SCN4B: variants seen among roughly 807,000 people sequenced by gnomAD.
SCN4B encodes sodium voltage-gated channel beta subunit 4, also known as sodium channel regulatory subunit beta-4.
A neutral mutation model predicts 19.6 loss-of-function variants in SCN4B; 20 were observed. The observed-to-expected ratio is 1.02, with a 90% CI of 0.72 to 1.48. The LOEUF (loss-of-function observed/expected upper bound fraction) is 1.48. Ranked by LOEUF, SCN4B falls within the 40% of genes most tolerant of loss-of-function variation. The pLI, the probability that SCN4B is intolerant of heterozygous loss-of-function variation, is 0.00. For synonymous variants in SCN4B, 127 were observed against 122.8 expected (o/e 1.03, Z -0.22); for missense variants, 271 against 287.5 (o/e 0.94, Z 0.42).
In SCN4B at chr11:118,144,001, C is replaced by T. The variant is rs772214416; in HGVS notation, c.295G>A (p.Asp99Asn). 2 of 1,614,050 alleles carry T rather than the reference C, an allele frequency of 1.2e-6. No individual in the cohort carries two copies. Among genetic ancestry groups the T allele is most frequent in the African/African-American group, 2.7e-5 (2 of 74,926 alleles). The change falls in exon 3 of 5, where the codon GAC (aspartate) becomes AAC (asparagine). Residue 99 changes from aspartate (D) to asparagine (N), a missense_variant. Transcript: ENST00000324727. ...SDPKVTLKDD[D>N]RITLVGSTKE... Reference sequence around the variant, plus strand: ...GTAGAGCCTACCAGAGTGATGCGGTCATCGTCTTTCAACGTCACCTTGGGG... The same window carrying T: ...GTAGAGCCTACCAGAGTGATGCGGTTATCGTCTTTCAACGTCACCTTGGGG...
chr11:118,140,437 C>A (rs1387226223), intron 4 of SCN4B, among the ~76,000 whole-genome samples: 1 of 152,224 alleles, frequency 6.6e-6, no homozygotes, highest in Non-Finnish European at 1.5e-5. Flanking sequence ...CAGAGGAGTT[C>A]TCCATTCTCT....
rs1190074169 is a variant in SCN4B, at chr11:118,145,149, C to G, written c.142G>C (p.Glu48Gln). ...GAGAAGGTGCAGGGCAGCAGGATCT[C>G]CGTGCCATTGACAGCGTAGATGTCG... ...ATDIYAVNGTEILLPCTFSSC... is the reference protein window; with the variant it reads ...ATDIYAVNGTQILLPCTFSSC... The change falls in exon 2 of 5, where the codon GAG becomes CAG. Residue 48 changes from glutamate to glutamine, a missense_variant. By Grantham distance (29) the Glu-to-Gln change is conservative. Coordinates refer to ENST00000324727, the MANE Select transcript of SCN4B (RefSeq NM_174934.4). 3 of 1,614,164 alleles carry G rather than the reference C, an allele frequency of 1.9e-6. No homozygotes were observed. Among genetic ancestry groups the G allele is most frequent in the Admixed American group, 3.3e-5 (2 of 60,026 alleles).
At position 118,136,961 on chromosome 11, in the gene SCN4B, G is replaced by T. The variant is rs968719673; in HGVS notation, c.*66C>A. 1 of 1,118,072 alleles carries T rather than the reference G, an allele frequency of 8.9e-7. No individual in the cohort carries two copies. The highest frequency in any genetic ancestry group is 1.4e-6 in the Non-Finnish European group (1 of 735,752). 69.3% of individuals were successfully genotyped at this position (1,118,072 alleles called of 1,614,324 possible). Reference sequence around the variant, plus strand: ...CTCAGGCACGTGGGTTCTACGGTCGGGGCTCAAGCATCAGTTTCATCATCA... The same window carrying T: ...CTCAGGCACGTGGGTTCTACGGTCGTGGCTCAAGCATCAGTTTCATCATCA... On this transcript the variant is annotated 3_prime_UTR_variant, in exon 5 of 5. Transcript: ENST00000324727.
chr11:118,145,492 C>A, intron 1 of SCN4B: 2 of 1,382,786 alleles, frequency 1.4e-6, no homozygotes, highest in Non-Finnish European at 9.5e-7. Context: ...GGGGTCACCC[C>A]AACCCAAGGA....
chr11:118,137,532 G>A (rs764511204), intron 4 of SCN4B, among the ~76,000 whole-genome samples: 42 of 152,250 alleles, frequency 2.8e-4, no homozygotes, highest in Non-Finnish European at 5.4e-4. Context: ...TTAGCCAGGC[G>A]TGGTGGCAGG....
At chr11:118,142,449 C>A (rs1948110816) in intron 3 of SCN4B, among the ~76,000 whole-genome samples, 2 of 152,246 alleles carry the variant, frequency 1.3e-5, no homozygotes, top group African/African-American at 4.8e-5. Flanking sequence ...TCCCTATTCA[C>A]CCTGCTGGCA....
rs945490950 is a variant in SCN4B, at chr11:118,141,217, G to A, written c.583C>T (p.Arg195Trp). 3 of 1,613,004 alleles carry A rather than the reference G, an allele frequency of 1.9e-6. No individual in the cohort carries two copies. The highest frequency in any genetic ancestry group is 1.1e-5 in the South Asian group (1 of 91,026). The stretch of plus-strand genomic sequence containing the variant: ...TCCAGATCAACTCACTTCTTCTCCC[G>A]AGTCTTCTTCAGGATGAAGATGATG... Reference protein sequence around the residue: ...KLIIFILKKTREKKKECLVSS... With the variant: ...KLIIFILKKTWEKKKECLVSS... Residue 195 changes from arginine to tryptophan, a missense_variant, in exon 4 of 5, where the codon CGG becomes TGG. Transcript: ENST00000324727.
At chr11:118,144,945 G>A (rs1374470890) in intron 2 of SCN4B, 112 bp downstream of exon 2, 5 of 1,043,912 alleles carry the variant, frequency 4.8e-6, no homozygotes, top group Non-Finnish European at 6.0e-6. Flanking sequence ...GTGGCAAAAG[G>A]TGGGTTCTGG....
In SCN4B at chr11:118,143,833, G is replaced by C. The variant is rs761173704; in HGVS notation, c.463C>G (p.Leu155Val). 1 of 1,610,070 alleles carries C rather than the reference G, an allele frequency of 6.2e-7. No individual in the cohort carries two copies. Among genetic ancestry groups the C allele is most frequent in the Non-Finnish European group, 8.5e-7 (1 of 1,177,906 alleles). ...CCCTGTGCCAGCCCCTACTGCATACGTCTATCAACGACTTGGAGGAAGATG... is the reference window on the plus strand; with the variant it reads ...CCCTGTGCCAGCCCCTACTGCATACCTCTATCAACGACTTGGAGGAAGATG... ...ATIFLQVVDR[L>V]EEVDNTVTLI... is the part of the protein sequence containing the mutation. Residue 155 changes from leucine (L) to valine (V), a missense_variant and splice_region_variant, in exon 3 of 5, where the codon CTG becomes GTG. Leu to Val is a conservative substitution (Grantham distance 32). Transcript: ENST00000324727.
chr11:118,145,377 A>T (rs572503867), intron 1 of SCN4B, 148 bp from the exon 2 acceptor site: 4 of 1,534,440 alleles, frequency 2.6e-6, no homozygotes, highest in Non-Finnish European at 3.5e-6. Flanking sequence ...TGTCTACTCC[A>T]ATCAGCACCG....
intron 3 of SCN4B, chr11:118,141,569 A>T: frequency 1.7e-6 from 1 of 585,018 alleles, no homozygotes; most frequent in Non-Finnish European, 3.1e-6. Context: ...CACCCTGCAC[A>T]TGCCCTCCCA....
intron 1 of SCN4B, among the ~76,000 whole-genome samples, chr11:118,152,002 A>C (rs551114088): frequency 6.6e-6 from 1 of 152,356 alleles, no homozygotes; most frequent in Non-Finnish European, 1.5e-5. Flanking sequence ...AAGAGAGACA[A>C]GGCCGTTCCT....
intron 1 of SCN4B, among the ~76,000 whole-genome samples, chr11:118,150,675 C>A (rs2135509212): frequency 6.6e-6 from 1 of 152,318 alleles, no homozygotes; most frequent in East Asian, 1.9e-4. Context: ...TAGGAGAGTT[C>A]TGTGCTCTGC....
rs1375938185 is a variant in SCN4B, at chr11:118,135,240, C to A, written c.*1787G>T. Reference sequence around the variant, plus strand: ...CAGATCAGACGGGGAACTGGTGAGCCCAGCAGGTTGGCTAAGGGACACTGG... The same window carrying A: ...CAGATCAGACGGGGAACTGGTGAGCACAGCAGGTTGGCTAAGGGACACTGG... On this transcript the variant is annotated 3_prime_UTR_variant, in exon 5 of 5. Coordinates refer to ENST00000324727, the MANE Select transcript of SCN4B (RefSeq NM_174934.4). 1 of 453,786 alleles carries A rather than the reference C, an allele frequency of 2.2e-6. No homozygotes were observed. Among genetic ancestry groups the A allele is most frequent in the Admixed American group, 2.3e-5 (1 of 42,564 alleles). The allele number at this position is 453,786 out of a possible 1,614,324, so 28.1% of individuals were successfully genotyped here.
At position 118,152,603 on chromosome 11, in the gene SCN4B, G is replaced by A; in HGVS notation, c.61+10C>T. ...AGGCAAGAGAAGAGACCAAGCTGGG[G>A]CTGCCTTACCCAAAAGCCCAGTGCC... is the stretch of plus-strand genomic sequence containing the variant. On this transcript the variant is annotated intron_variant, in intron 1 of 4. Coordinates refer to ENST00000324727, the MANE Select transcript of SCN4B (RefSeq NM_174934.4). The A allele has an allele frequency of 6.2e-7, 1 of 1,611,290 alleles. No individual in the cohort carries two copies.
chr11:118,151,122 GCA>G (rs3837425), intron 1 of SCN4B, among the ~76,000 whole-genome samples: 523 of 149,060 alleles, frequency 3.5e-3, no homozygotes, highest in Middle Eastern at 0.014. Context: ...TTACACACGT[GCA>G]CACACACACA....
Position 118,152,812 on chromosome 11 carries a change from C to T in SCN4B, c.-139G>A. On this transcript the variant is annotated 5_prime_UTR_variant, in exon 1 of 5. Transcript: ENST00000324727. ...GCCGGTCGGGGCTCGGGAAAGTTAG[C>T]GGGCAGAGAGCGAGAGGAGGGGGAG... 9 of 496,228 alleles carry T rather than the reference C, an allele frequency of 1.8e-5. No homozygotes were observed. The South Asian group carries it at 2.1e-4, about 12-fold the overall frequency. 30.7% of individuals were successfully genotyped at this position (496,228 alleles called of 1,614,324 possible).
At chr11:118,139,614 T>G (rs1276813675) in intron 4 of SCN4B, among the ~76,000 whole-genome samples, 1 of 152,196 alleles carries the variant, frequency 6.6e-6, no homozygotes, top group African/African-American at 2.4e-5. Flanking sequence ...AGTGAGTCAG[T>G]AGAACATCCT....
chr11:118,152,469 A>G, intron 1 of SCN4B, 144 bp downstream of exon 1: 1 of 691,086 alleles, frequency 1.4e-6, no homozygotes, highest in Non-Finnish European at 2.6e-6. Context: ...CCAGGCAGGA[A>G]CCAGGCAGGA....
Sources: allele counts gnomAD v4.1 joint callset (sites outside exome capture counted in the v4.1 genomes callset), GRCh38; gene constraint gnomAD v4.1.1; transcripts MANE v1.5; gene names NCBI Gene and HGNC (gene_info 2026-07-23, HGNC 2026-07-21).